Variants in DNAJC18 observed in about 807,000 individuals in gnomAD.
DNAJC18 encodes the protein dnaJ homolog subfamily C member 18.
DNAJC18 carries 40 observed loss-of-function variants against 48.6 expected under a neutral mutation model. The ratio of observed to expected loss-of-function variants is 0.82; its 90% CI spans 0.64 to 1.07. The LOEUF is 1.07. Among genes scored for constraint, DNAJC18 ranks in the 50% least tolerant of loss-of-function variants. The pLI, the probability that DNAJC18 is intolerant of heterozygous loss-of-function variation, is 0.00. For missense variants in DNAJC18, 340 were observed against 427.7 expected, an observed-to-expected ratio of 0.79 and a Z score of 1.81; for synonymous variants, 135 against 152.2, an observed-to-expected ratio of 0.89 and a Z score of 0.83.
intron 7 of DNAJC18, among the ~76,000 whole-genome samples, chr5:139,415,552 G>T (rs1056252549): frequency 5.3e-5 from 8 of 152,362 alleles, no homozygotes; most frequent in African/African-American, 1.4e-4. Flanking sequence ...CGCTCTCCCT[G>T]CTTGGTGAGG....
At position 139,426,247 on chromosome 5, in the gene DNAJC18, A is replaced by C; in HGVS notation, c.484T>G (p.Tyr162Asp). 6.2e-7 allele frequency: 1 copy of C among 1,614,208 alleles called. No homozygotes were observed. The highest frequency in any genetic ancestry group is 2.2e-5 in the East Asian group (1 of 44,894). ...ATGTCAGCTTCAAAATCCCTGTAAT[A>C]ATTATAAGGTCTGGCTCGAGGGGCA... The part of the protein sequence containing the change: ...FTAPRARPYN[Y>D]YRDFEADITP... The change falls in exon 4 of 8, where the codon TAT (tyrosine) becomes GAT (aspartate). Residue 162 changes from tyrosine to aspartate, a missense_variant. Transcript: ENST00000302060.
At chr5:139,415,296 CA>C (rs1759055358) in intron 7 of DNAJC18, among the ~76,000 whole-genome samples, 1 of 152,150 alleles carries the variant, frequency 6.6e-6, no homozygotes, top group South Asian at 2.1e-4. Flanking sequence ...ATTATTTAGC[CA>C]GGGGGAACAA....
At chr5:139,432,181 T>G (rs1457745316) in intron 2 of DNAJC18, among the ~76,000 whole-genome samples, 1 of 152,034 alleles carries the variant, frequency 6.6e-6, no homozygotes, top group Non-Finnish European at 1.5e-5. Context: ...TTTTTTTTTT[T>G]GAGATAGAGT....
Position 139,420,045 on chromosome 5 carries a change from T to G in DNAJC18, c.952+8A>C, listed in dbSNP as rs1759126908. 1.3e-6 allele frequency: 2 copies of G among 1,560,040 alleles called. No individual in the cohort carries two copies. Among genetic ancestry groups the G allele is most frequent in the Admixed American group, 4.2e-5 (2 of 47,724 alleles). On this transcript the variant is annotated splice_region_variant and intron_variant, in intron 7 of 7. Transcript: ENST00000302060. ...CCACCAGCTAATGCCCCTTTTACAGTATCTTACTTTGTTGTTTCTCCTTCC... is the reference window on the plus strand; with the variant it reads ...CCACCAGCTAATGCCCCTTTTACAGGATCTTACTTTGTTGTTTCTCCTTCC...
At position 139,413,066 on chromosome 5, in the gene DNAJC18, C is replaced by T. The variant is rs1278939666; in HGVS notation, c.*1082G>A. On this transcript the variant is annotated 3_prime_UTR_variant, in exon 8 of 8. Coordinates refer to ENST00000302060, the MANE Select transcript of DNAJC18 (RefSeq NM_152686.4). ...AGAACCAGGGATAATACATCTACTT[C>T]AGAGTTGTGAGGAGGTTTAAGTAAG... 1.0e-5 allele frequency: 4 copies of T among 397,014 alleles called. No homozygotes were observed. The highest frequency in any genetic ancestry group is 2.1e-5 in the African/African-American group (1 of 48,620). 24.6% of individuals were successfully genotyped at this position (397,014 alleles called of 1,614,324 possible). A position where few individuals can be genotyped will look rare whatever the true frequency, so the allele number is the denominator to read the frequency against.
Position 139,414,143 on chromosome 5 carries a change from T to C in DNAJC18, c.*5A>G. On this transcript the variant is annotated 3_prime_UTR_variant, in exon 8 of 8. Transcript: ENST00000302060. The stretch of plus-strand genomic sequence containing the variant: ...ACCCCAGCCCTGCGTAGGACCATTA[T>C]CCTCTCAGCCACCTCTGCGTAGGCC... 3 of 1,612,458 alleles carry C rather than the reference T, an allele frequency of 1.9e-6. No individual in the cohort carries two copies. The highest frequency in any genetic ancestry group is 2.5e-6 in the Non-Finnish European group (3 of 1,179,574).
chr5:139,425,463 C>A (rs1422853850), intron 4 of DNAJC18, among the ~76,000 whole-genome samples: 3 of 152,238 alleles, frequency 2.0e-5, no homozygotes, highest in African/African-American at 7.2e-5. Flanking sequence ...CGCGCCTGAC[C>A]CTTCCTTGCC....
intron 5 of DNAJC18, among the ~76,000 whole-genome samples, chr5:139,423,080 C>T (rs1018906736): frequency 6.6e-6 from 1 of 152,146 alleles, no homozygotes; most frequent in Non-Finnish European, 1.5e-5. Flanking sequence ...GATCTGCCCA[C>T]CTCGGCCTCC....
At chr5:139,414,807 C>T (rs545272894) in intron 7 of DNAJC18, among the ~76,000 whole-genome samples, 1 of 152,362 alleles carries the variant, frequency 6.6e-6, no homozygotes, top group South Asian at 2.1e-4. Context: ...GTAGGGTCCC[C>T]AACTCAAAGG....
Position 139,439,504 on chromosome 5 carries a change from G to A in DNAJC18, c.-59C>T, listed in dbSNP as rs1274241803. The A allele has an allele frequency of 4.3e-6, 7 of 1,613,162 alleles. No homozygotes were observed. The highest frequency in any genetic ancestry group is 1.1e-5 in the South Asian group (1 of 91,022). On this transcript the variant is annotated 5_prime_UTR_variant, in exon 1 of 8. Transcript: ENST00000302060. This position sits in a 1 kb window ranked among gnomAD's most constrained non-coding sequence, Gnocchi z 4.1. ...CCCCGTGCCCGAGGCTGAAAGAGAA[G>A]GGGGCGCGGAGCGCGGGGCACGCTG...
chr5:139,423,764 A>G (rs79520343), intron 5 of DNAJC18, among the ~76,000 whole-genome samples: 3 of 152,122 alleles, frequency 2.0e-5, no homozygotes, highest in South Asian at 2.1e-4. Context: ...AAAAAAAAAA[A>G]ATCTGAAATC....
intron 2 of DNAJC18, among the ~76,000 whole-genome samples, chr5:139,435,856 C>T (rs548228271): frequency 9.2e-5 from 14 of 151,580 alleles, no homozygotes; most frequent in Non-Finnish European, 8.8e-5. Flanking sequence ...CAGGTGTGCA[C>T]CACCATGCTC....
At chr5:139,432,168 CTT>C (rs199837821) in intron 2 of DNAJC18, among the ~76,000 whole-genome samples, 5 of 143,556 alleles carry the variant, frequency 3.5e-5, no homozygotes, top group Non-Finnish European at 4.6e-5. Flanking sequence ...TTTTCACATT[CTT>C]TTTTTTTTTT....
At chr5:139,429,273 G>A (rs1221998158) in intron 2 of DNAJC18, among the ~76,000 whole-genome samples, 2 of 151,762 alleles carry the variant, frequency 1.3e-5, no homozygotes, top group Non-Finnish European at 2.9e-5. Context: ...TAGTAGAGAT[G>A]GGGTTTCACC....
At chr5:139,424,709 C>T (rs902337675) in intron 5 of DNAJC18, among the ~76,000 whole-genome samples, 1 of 105,054 alleles carries the variant, frequency 9.5e-6, no homozygotes, top group Non-Finnish European at 1.8e-5. Context: ...GACAGTGAGA[C>T]CCTCTCTCAA....
In DNAJC18 at chr5:139,414,039, C is replaced by A; in HGVS notation, c.*109G>T. On this transcript the variant is annotated 3_prime_UTR_variant, in exon 8 of 8. Coordinates refer to ENST00000302060, the MANE Select transcript of DNAJC18 (RefSeq NM_152686.4). The stretch of plus-strand genomic sequence containing the variant: ...CACTCTGCCCAACCAACGAAGTTAG[C>A]AAATAGTAAAGTGTTCATCATTACC... 1 of 1,466,972 alleles carries A rather than the reference C, an allele frequency of 6.8e-7. No individual in the cohort carries two copies. Among genetic ancestry groups the A allele is most frequent in the Non-Finnish European group, 9.1e-7 (1 of 1,104,836 alleles). The allele number at this position is 1,466,972 out of a possible 1,614,324, so 90.9% of individuals were successfully genotyped here.
chr5:139,412,864 G>A lies in DNAJC18; in HGVS notation c.*1284C>T, dbSNP rs1057443282. The A allele has an allele frequency of 2.5e-6, 1 of 398,594 alleles. No individual in the cohort carries two copies. Among genetic ancestry groups the A allele is most frequent in the African/African-American group, 2.1e-5 (1 of 48,640 alleles). 24.7% of individuals were successfully genotyped at this position (398,594 alleles called of 1,614,324 possible). ...AAGATTGCCACAGAAAAGATGAGGG[G>A]TCATGGGGTTGGGGAGGACGGAGGC... is the stretch of plus-strand genomic sequence containing the variant. On this transcript the variant is annotated 3_prime_UTR_variant, in exon 8 of 8. Coordinates refer to ENST00000302060, the MANE Select transcript of DNAJC18 (RefSeq NM_152686.4).
In DNAJC18 at chr5:139,412,937, G is replaced by T; in HGVS notation, c.*1211C>A. ...TGCCAGTCTGGCTAGAATCACCTGA[G>T]ACATGAGGATGCTCTCCCACTTTCT... On this transcript the variant is annotated 3_prime_UTR_variant, in exon 8 of 8. Transcript: ENST00000302060. 2.5e-6 allele frequency: 1 copy of T among 398,620 alleles called. No homozygotes were observed. The highest frequency in any genetic ancestry group is 1.3e-4 in the South Asian group (1 of 7,846). 24.7% of individuals were successfully genotyped at this position (398,620 alleles called of 1,614,324 possible).
rs1047004381 is a variant in DNAJC18 at position 139,426,178 on chromosome 5, G to A, written c.553C>T (p.Pro185Ser). The change falls in exon 4 of 8, where the codon CCT becomes TCT. Residue 185 changes from proline (P) to serine (S), a missense_variant. Transcript: ENST00000302060. ...LFNVFFGGHF[P>S]TGNIHMFSNV... Reference sequence around the variant, plus strand: ...ATAATTTGGGGAGACTAACCTGTAGGAAAATGTCCTCCAAAGAAGACGTTG... The same window carrying A: ...ATAATTTGGGGAGACTAACCTGTAGAAAAATGTCCTCCAAAGAAGACGTTG... 12 of 1,613,626 alleles carry A rather than the reference G, an allele frequency of 7.4e-6. No individual in the cohort carries two copies. The highest frequency in any genetic ancestry group is 1.0e-5 in the Non-Finnish European group (12 of 1,179,860).
Sources: gnomAD v4.1 joint callset for allele counts (sites outside exome capture counted in the v4.1 genomes callset) on GRCh38, gnomAD v4.1.1 for gene constraint, Gnocchi (gnomAD v3.1) non-coding constraint, MANE v1.5 for transcripts, NCBI Gene and HGNC (gene_info 2026-07-23, HGNC 2026-07-21) for gene names.